LRP8: variants seen among roughly 807,000 people sequenced by gnomAD.
LRP8 encodes the protein LDL receptor related protein 8.
LRP8 carries 46 observed loss-of-function variants against 111.6 expected under a neutral mutation model. That is an observed-to-expected ratio of 0.41 (90% confidence interval 0.33 to 0.53). The LOEUF is 0.53. LRP8 is among the 20% of genes least tolerant of loss of function. LRP8 has a pLI of 0.20. For missense variants in LRP8, 959 were observed against 1,297.4 expected (o/e 0.74, Z 4.01); for synonymous variants, 464 against 511.2 (o/e 0.91, Z 1.24).
intron 4 of LRP8, among the ~76,000 whole-genome samples, chr1:53,278,630 A>G (rs969219507): frequency 3.9e-5 from 6 of 151,976 alleles, no homozygotes; most frequent in Non-Finnish European, 8.8e-5. Context: ...ACATGCTGCC[A>G]CTGCCACTGC....
At chr1:53,255,295 T>C (rs1372469555) in intron 15 of LRP8, 110 bp from the exon 16 acceptor site, 3 of 888,476 alleles carry the variant, frequency 3.4e-6, no homozygotes, top group Admixed American at 2.0e-5. Flanking sequence ...CATTCTAAAA[T>C]GATGATCCTG....
intron 6 of LRP8, chr1:53,274,640 T>A (rs991346191): frequency 2.2e-6 from 1 of 454,932 alleles, no homozygotes. Context: ...TGAGCCTAGA[T>A]ACCAGGAGGG....
chr1:53,327,303 T>C (rs12060975), intron 1 of LRP8: 6,264 of 324,978 alleles, frequency 0.019, 298 homozygotes, highest in African/African-American at 0.11. Flanking sequence ...ATACAGCCCA[T>C]AGGGAGTCCC....
intron 4 of LRP8, among the ~76,000 whole-genome samples, chr1:53,280,008 T>C (rs1647052685): frequency 6.6e-6 from 1 of 152,252 alleles, no homozygotes; most frequent in South Asian, 2.1e-4. Flanking sequence ...ACTGTCCCAG[T>C]GACCACTTCC....
intron 2 of LRP8, among the ~76,000 whole-genome samples, chr1:53,296,089 C>A (rs182290012): frequency 6.6e-6 from 1 of 152,250 alleles, no homozygotes; most frequent in Non-Finnish European, 1.5e-5. Context: ...AGCAGGGACA[C>A]GTCTAGAGAA....
intron 16 of LRP8, among the ~76,000 whole-genome samples, chr1:53,252,795 C>T (rs1398067892): frequency 2.0e-5 from 3 of 152,042 alleles, no homozygotes. Flanking sequence ...AAAAACTTCA[C>T]CAAAATTTTT....
chr1:53,295,077 A>G (rs1649445597), intron 2 of LRP8, among the ~76,000 whole-genome samples: 1 of 152,152 alleles, frequency 6.6e-6, no homozygotes, highest in Admixed American at 6.5e-5. Flanking sequence ...GCCACAGCAC[A>G]TGTCTGTGGG....
intron 2 of LRP8, among the ~76,000 whole-genome samples, chr1:53,308,430 C>T (rs1045253334): frequency 6.6e-6 from 1 of 152,244 alleles, no homozygotes; most frequent in Admixed American, 6.5e-5. Context: ...CCAAGCATCA[C>T]TGGCCCTCCA....
intron 2 of LRP8, among the ~76,000 whole-genome samples, chr1:53,302,625 C>T (rs1479571892): frequency 6.6e-6 from 1 of 151,984 alleles, no homozygotes; most frequent in Non-Finnish European, 1.5e-5. Flanking sequence ...CCTTTGCTTG[C>T]ACTGCATTAG....
At chr1:53,288,627 T>C (rs74086830) in intron 3 of LRP8, among the ~76,000 whole-genome samples, 1,921 of 152,180 alleles carry the variant, frequency 0.013, 31 homozygotes, top group African/African-American at 0.044. Flanking sequence ...GCCACGGCGT[T>C]AGATGGGACT....
At chr1:53,270,886 AC>A in intron 8 of LRP8, 141 bp downstream of exon 8, 2 of 1,187,404 alleles carry the variant, frequency 1.7e-6, no homozygotes, top group South Asian at 2.8e-5. Flanking sequence ...TAGACAAGGG[AC>A]CGAGGATTCC....
intron 3 of LRP8, among the ~76,000 whole-genome samples, chr1:53,281,332 A>G (rs1647103369): frequency 2.0e-5 from 3 of 152,240 alleles, no homozygotes; most frequent in South Asian, 4.1e-4. Flanking sequence ...GGCTGACTCA[A>G]TCAGGGGCCT....
rs1180830600 is a variant in LRP8 at position 53,264,173 on chromosome 1, G to A, written c.1651C>T (p.Arg551Ter). Residue 551 changes from arginine (R) to a stop codon, truncating the protein, a stop_gained, in exon 10 of 19, where the codon CGA becomes TGA. Coordinates refer to ENST00000306052, the MANE Select transcript of LRP8 (RefSeq NM_004631.5). LOFTEE classifies it high-confidence loss of function. ...EPRAIAVDPL[R>*]GFMYWSDWGD... is the part of the protein sequence containing the mutation. The stretch of plus-strand genomic sequence containing the variant: ...AAGTTCAGTTGGGACACTCACCCTC[G>A]CAGGGGGTCAACAGCGATGGCCCGG... 2 of 1,613,866 alleles carry A rather than the reference G, an allele frequency of 1.2e-6. No individual in the cohort carries two copies. The highest frequency in any genetic ancestry group is 1.7e-6 in the Non-Finnish European group (2 of 1,179,938).
At chr1:53,261,325 C>T (rs1389490889) in intron 12 of LRP8, among the ~76,000 whole-genome samples, 1 of 152,256 alleles carries the variant, frequency 6.6e-6, no homozygotes, top group Non-Finnish European at 1.5e-5. Context: ...TACCAACACA[C>T]CTGTCCTTTA....
At chr1:53,292,362 C>A (rs72673164) in intron 2 of LRP8, among the ~76,000 whole-genome samples, 1,718 of 152,316 alleles carry the variant, frequency 0.011, 12 homozygotes, top group Non-Finnish European at 0.019. Context: ...GGGAAAGGGG[C>A]TGGCTGAGGG....
At chr1:53,281,198 T>G (rs1251690903) in intron 3 of LRP8, among the ~76,000 whole-genome samples, 5 of 152,254 alleles carry the variant, frequency 3.3e-5, no homozygotes, top group Non-Finnish European at 7.4e-5. Context: ...CCCCAACGGC[T>G]CCAATCGGCC....
At chr1:53,316,032 G>A (rs1381846654) in intron 2 of LRP8, among the ~76,000 whole-genome samples, 1 of 152,230 alleles carries the variant, frequency 6.6e-6, no homozygotes, top group Non-Finnish European at 1.5e-5. Flanking sequence ...GCCCTGGTTT[G>A]CTTGGTCCAA....
At chr1:53,278,698 T>C (rs538408463) in intron 4 of LRP8, among the ~76,000 whole-genome samples, 6 of 151,688 alleles carry the variant, frequency 4.0e-5, no homozygotes, top group Non-Finnish European at 7.4e-5. Context: ...CCCACCCAAC[T>C]TGTGCATGTG....
At chr1:53,277,147 G>A (rs1646951182) in intron 4 of LRP8, 69 bp from the exon 5 acceptor site, 14 of 1,365,872 alleles carry the variant, frequency 1.0e-5, no homozygotes, top group Non-Finnish European at 1.1e-5. Context: ...CCGCTGGTCC[G>A]GCTACAGGGG....
Sources: allele counts gnomAD v4.1 joint callset (sites outside exome capture counted in the v4.1 genomes callset), GRCh38; gene constraint gnomAD v4.1.1; transcripts MANE v1.5; gene names NCBI Gene and HGNC (gene_info 2026-07-23, HGNC 2026-07-21).